The following CCT2 variants were observed in gnomAD, a reference collection of about 807,000 sequenced individuals.
CCT2 encodes the protein chaperonin containing TCP1 subunit 2.
Under a neutral mutation model 61.8 loss-of-function variants are expected in CCT2, and 18 were observed. That is an observed-to-expected ratio of 0.29 (90% CI 0.20 to 0.43). The LOEUF is 0.43. Ranked by LOEUF, CCT2 falls within the 20% of genes least tolerant of loss-of-function variation. The probability of loss-of-function intolerance (pLI) is 1.00; values close to 1 mark genes in which losing one functional copy is unlikely to be tolerated. For synonymous variants in CCT2, 248 were observed against 215.9 expected (o/e 1.15, Z -1.30); for missense variants, 556 against 656.9 (o/e 0.85, Z 1.68).
Position 69,587,626 on chromosome 12 carries a change from A to T in CCT2, c.256+10A>T. 1 of 1,511,086 alleles carries T rather than the reference A, an allele frequency of 6.6e-7. No individual in the cohort carries two copies. The highest frequency in any genetic ancestry group is 1.1e-5 in the South Asian group (1 of 88,652). The allele number at this position is 1,511,086 out of a possible 1,614,324, so 93.6% of individuals were successfully genotyped here. ...GCTAAAGTTTTAGTTGGTAAGTCTGAATATACTTTTTCACCAACCTAATAA... is the reference window on the plus strand; with the variant it reads ...GCTAAAGTTTTAGTTGGTAAGTCTGTATATACTTTTTCACCAACCTAATAA... On this transcript the variant is annotated intron_variant, in intron 4 of 15. Coordinates refer to ENST00000299300, the MANE Select transcript of CCT2 (RefSeq NM_006431.3).
At chr12:69,594,227 T>A (rs7979015) in intron 10 of CCT2, among the ~76,000 whole-genome samples, 2,298 of 152,324 alleles carry the variant, frequency 0.015, 68 homozygotes, top group African/African-American at 0.051. Context: ...TAAAAAGTCT[T>A]AAGTCTACTT....
intron 10 of CCT2, among the ~76,000 whole-genome samples, chr12:69,595,265 A>G (rs1008236702): frequency 2.0e-5 from 3 of 152,178 alleles, no homozygotes; most frequent in Non-Finnish European, 4.4e-5. Flanking sequence ...TTTTCCTTTA[A>G]TTACTTGAAG....
intron 8 of CCT2, chr12:69,592,597 G>C (rs1210600602): frequency 5.3e-6 from 1 of 189,110 alleles, no homozygotes; most frequent in Non-Finnish European, 1.1e-5. Flanking sequence ...ATATACGTTG[G>C]TAAAAATGTT....
intron 6 of CCT2, chr12:69,589,241 C>A: frequency 3.9e-6 from 2 of 514,634 alleles, no homozygotes; most frequent in Non-Finnish European, 3.5e-6. Flanking sequence ...CACATTCTTG[C>A]CAACATTAGA....
At chr12:69,589,135 TCAGGC>T in intron 6 of CCT2, 1 of 243,100 alleles carries the variant, frequency 4.1e-6, no homozygotes, top group South Asian at 5.3e-5. Context: ...ACCATGTTGC[TCAGGC>T]TGGTCTTGAA....
At position 69,598,000 on chromosome 12, in the gene CCT2, A is replaced by G; in HGVS notation, c.1264A>G (p.Thr422Ala). ...TGAGATGTTGATGGCTCATGCTGTG[A>G]CACAGCTTGCCAATAGAACACCAGG... ...CSEMLMAHAV[T>A]QLANRTPGKE... The change falls in exon 13 of 16, where the codon ACA (threonine) becomes GCA (alanine). Residue 422 changes from threonine to alanine, a missense_variant. Physicochemically the swap from Thr to Ala is moderately conservative, Grantham distance 58. Around this residue, in one of 3 missense-constraint regions of CCT2, gnomAD observed 225 missense variants for 249.8 expected, o/e 0.90. Transcript: ENST00000299300. 6.2e-7 allele frequency: 1 copy of G among 1,613,944 alleles called. No homozygotes were observed. Among genetic ancestry groups the G allele is most frequent in the African/African-American group, 1.3e-5 (1 of 75,052 alleles).
chr12:69,593,661 G>T, intron 10 of CCT2, 48 bp downstream of exon 10: 1 of 1,160,732 alleles, frequency 8.6e-7, no homozygotes, highest in South Asian at 1.3e-5. Context: ...AGTCACTCTT[G>T]AATTTGTTAT....
At position 69,594,064 on chromosome 12, in the gene CCT2, G is replaced by A. The variant is rs145969553; in HGVS notation, c.982+451G>A. Among the ~76,000 whole-genome samples, 622 of 152,098 alleles carry A rather than the reference G, an allele frequency of 4.1e-3. 4 individuals are homozygous for A. The highest frequency in any genetic ancestry group is 7.1e-3 in the Non-Finnish European group (482 of 67,990). ...TGAGGGAAGAGAATCGCTTGAGCCT[G>A]GGAGGCAGAGGTTGCAGTCAGCGGA... On this transcript the variant is annotated intron_variant, in intron 10 of 15. Coordinates refer to ENST00000299300, the MANE Select transcript of CCT2 (RefSeq NM_006431.3).
Position 69,593,596 on chromosome 12 carries a change from G to A in CCT2, c.965G>A (p.Arg322His), listed in dbSNP as rs1281280872. The A allele has an allele frequency of 6.2e-7, 1 of 1,606,432 alleles. No individual in the cohort carries two copies. Among genetic ancestry groups the A allele is most frequent in the Non-Finnish European group, 8.5e-7 (1 of 1,173,458 alleles). ...CATGCAGATTTTGCAGGTGTGGAAC[G>A]CCTAGCTCTTGTCACAGGTATGGAA... The part of the protein sequence containing the change: ...IEHADFAGVE[R>H]LALVTGGEIA... The change falls in exon 10 of 16, where the codon CGC (arginine) becomes CAC (histidine). Residue 322 changes from arginine (R) to histidine (H), a missense_variant. Physicochemically the swap from Arg to His is conservative, Grantham distance 29. Around this residue, in one of 3 missense-constraint regions of CCT2, gnomAD observed 23 missense variants for 56.6 expected, o/e 0.41. Coordinates refer to ENST00000299300, the MANE Select transcript of CCT2 (RefSeq NM_006431.3).
intron 6 of CCT2, among the ~76,000 whole-genome samples, chr12:69,588,837 CA>C (rs904523688): frequency 1.3e-5 from 2 of 152,202 alleles, no homozygotes; most frequent in African/African-American, 4.8e-5. Flanking sequence ...TCCCTGGTGC[CA>C]AAAAGGTCCG....
intron 11 of CCT2, 107 bp from the exon 12 acceptor site, chr12:69,597,531 A>G: frequency 8.2e-7 from 1 of 1,220,614 alleles, no homozygotes; most frequent in South Asian, 1.4e-5. Context: ...TGTATAATAC[A>G]GGAAGACAGG....
chr12:69,600,565 C>A (rs1340280494), intron 15 of CCT2, among the ~76,000 whole-genome samples: 3 of 144,836 alleles, frequency 2.1e-5, no homozygotes, highest in African/African-American at 5.1e-5. Context: ...GCTTCTTTTT[C>A]ATATTCCTTA....
intron 1 of CCT2, chr12:69,585,924 C>G: frequency 7.9e-7 from 1 of 1,264,660 alleles, no homozygotes. Flanking sequence ...AGGCCGCGTT[C>G]CCTCGCCCGC....
chr12:69,590,725 T>TTG (rs1881810947), intron 7 of CCT2, among the ~76,000 whole-genome samples: 1 of 151,400 alleles, frequency 6.6e-6, no homozygotes, highest in East Asian at 1.9e-4. Context: ...ATTTCTTTTT[T>TTG]TTTTTTTTTG....
intron 7 of CCT2, 75 bp downstream of exon 7, chr12:69,589,762 G>A: frequency 8.6e-7 from 1 of 1,161,454 alleles, no homozygotes; most frequent in Non-Finnish European, 1.3e-6. Context: ...TCTGTTTTGA[G>A]ACCAGTGACC....
At chr12:69,600,336 T>G (rs1593102788) in intron 15 of CCT2, among the ~76,000 whole-genome samples, 1 of 152,180 alleles carries the variant, frequency 6.6e-6, no homozygotes, top group East Asian at 1.9e-4. Context: ...GTAACTAAAG[T>G]GTTCTAGGGC....
At chr12:69,594,049 G>A (rs1881914808) in intron 10 of CCT2, among the ~76,000 whole-genome samples, 1 of 151,832 alleles carries the variant, frequency 6.6e-6, no homozygotes, top group South Asian at 2.1e-4. Context: ...TGAGGGAAGA[G>A]AATCGCTTGA....
At chr12:69,601,169 T>C in intron 15 of CCT2, 126 bp from the exon 16 acceptor site, 1 of 760,014 alleles carries the variant, frequency 1.3e-6, no homozygotes, top group South Asian at 1.9e-5. Flanking sequence ...GGGACACACA[T>C]GCAAACCATT....
chr12:69,585,796 C>G (rs1431477478), intron 1 of CCT2: 9 of 1,367,344 alleles, frequency 6.6e-6, no homozygotes, highest in Non-Finnish European at 8.5e-6. Context: ...TCACCCGGAG[C>G]GAAGAAATTT....
Sources: allele counts gnomAD v4.1 joint callset (sites outside exome capture counted in the v4.1 genomes callset), GRCh38; gene constraint gnomAD v4.1.1; regional missense constraint gnomAD v4.1.1; transcripts MANE v1.5; gene names NCBI Gene and HGNC (gene_info 2026-07-23, HGNC 2026-07-21).